Variants in RHD observed in about 807,000 individuals in gnomAD.
RHD encodes blood group Rh(D) polypeptide.
A neutral mutation model predicts 45.5 loss-of-function variants in RHD; 16 were observed. The observed-to-expected ratio is 0.35, with a 90% CI of 0.24 to 0.53. The LOEUF (loss-of-function observed/expected upper bound fraction) is 0.53. Among genes scored for constraint, RHD ranks in the 20% least tolerant of loss-of-function variants. The pLI is 0.92. For missense variants in RHD, 306 were observed against 532.0 expected (o/e 0.58, Z 4.18); for synonymous variants, 131 against 217.5 (o/e 0.60, Z 3.50).
rs1486296113 is a variant in RHD at position 25,283,559 on chromosome 1, C to A, written c.149-1014C>A. Among the ~76,000 whole-genome samples the A allele has an allele frequency of 9.1e-5, 12 of 131,432 alleles. 3 individuals carry two copies. The highest frequency in any genetic ancestry group is 3.2e-4 in the African/African-American group (12 of 38,006). The allele number at this position is 131,432 out of a possible 152,430, so 86.2% of individuals were successfully genotyped here. On this transcript the variant is annotated intron_variant, in intron 1 of 9. Transcript: ENST00000328664. The stretch of plus-strand genomic sequence containing the variant: ...TTAAAAAAAAAAATCTTAGCTCTAC[C>A]CACCGGGGCAAGTTACGTAACGCCT...
chr1:25,286,890 C>T lies in RHD; in HGVS notation c.335+2131C>T, dbSNP rs1273180537. The stretch of plus-strand genomic sequence containing the variant: ...GGTGGATTACCTGAGGTCAGGAGTC[C>T]GAGACCAACCTGAGCAACATGGTGA... On this transcript the variant is annotated intron_variant, in intron 2 of 9. Coordinates refer to ENST00000328664, the MANE Select transcript of RHD (RefSeq NM_016124.6). Among the ~76,000 whole-genome samples, 7 of 134,400 alleles carry T rather than the reference C, an allele frequency of 5.2e-5. 1 individual carries two copies. Among genetic ancestry groups the T allele is most frequent in the Admixed American group, 2.9e-4 (4 of 13,974 alleles). 88.2% of individuals were successfully genotyped at this position (134,400 alleles called of 152,430 possible).
At chr1:25,285,507 AT>A (rs1571607154) in intron 2 of RHD, among the ~76,000 whole-genome samples, 1 of 134,954 alleles carries the variant, frequency 7.4e-6, no homozygotes, top group African/African-American at 2.6e-5. Flanking sequence ...CCATGCCTTT[AT>A]TTTCATTAAA....
At chr1:25,282,415 A>T (rs1241331066) in intron 1 of RHD, among the ~76,000 whole-genome samples, 1 of 130,374 alleles carries the variant, frequency 7.7e-6, no homozygotes, top group Non-Finnish European at 1.8e-5. Context: ...TTGTAATTTT[A>T]GTAGAGACGG....
At chr1:25,284,880 T>C in intron 2 of RHD, 121 bp downstream of exon 2, 1 of 1,103,856 alleles carries the variant, frequency 9.1e-7, no homozygotes, top group Admixed American at 2.1e-5. Flanking sequence ...GTGCAATATT[T>C]AGGACATCCT....
intron 2 of RHD, 63 bp downstream of exon 2, chr1:25,284,822 T>C (rs1488899897): frequency 7.6e-7 from 1 of 1,315,060 alleles, no homozygotes; most frequent in Non-Finnish European, 1.1e-6. Flanking sequence ...AAAGGACAGG[T>C]TCCAGAAGAT....
At chr1:25,323,557 T>G (rs1217399515) in intron 9 of RHD, among the ~76,000 whole-genome samples, 1 of 126,368 alleles carries the variant, frequency 7.9e-6, no homozygotes, top group Non-Finnish European at 1.8e-5. Context: ...CTCCCCAGGC[T>G]CAGGAGATCC....
chr1:25,293,603 G>A lies in RHD; in HGVS notation c.486+2812G>A, dbSNP rs111903366. 9.9e-3 allele frequency among the ~76,000 whole-genome samples: 1,294 copies of A among 130,864 alleles called. 183 individuals are homozygous for A. Among genetic ancestry groups the A allele is most frequent in the African/African-American group, 0.032 (1,225 of 38,400 alleles). The allele number at this position is 130,864 out of a possible 152,430, so 85.9% of individuals were successfully genotyped here. ...CTGTATCTTCAGAAGCACTCCAAGC[G>A]TTTCTTCCTAGGATTTAGAAATTTA... is the stretch of plus-strand genomic sequence containing the variant. On this transcript the variant is annotated intron_variant, in intron 3 of 9. Coordinates refer to ENST00000328664, the MANE Select transcript of RHD (RefSeq NM_016124.6).
chr1:25,283,388 G>A lies in RHD; in HGVS notation c.149-1185G>A, dbSNP rs183402073. On this transcript the variant is annotated intron_variant, in intron 1 of 9. Transcript: ENST00000328664. The stretch of plus-strand genomic sequence containing the variant: ...TCTATTAAAAATACAAAAATTAGCC[G>A]GGCACGGTGGCAGGCACCTGTAATC... Among the ~76,000 whole-genome samples, 240 of 130,906 alleles carry A rather than the reference G, an allele frequency of 1.8e-3. 53 individuals are homozygous for A. The highest frequency in any genetic ancestry group is 4.3e-3 in the Admixed American group (57 of 13,400). The allele number at this position is 130,906 out of a possible 152,430, so 85.9% of individuals were successfully genotyped here. A position where few individuals can be genotyped will look rare whatever the true frequency, so the allele number is the denominator to read the frequency against.
At position 25,272,702 on chromosome 1, in the gene RHD, G is replaced by A. The variant is rs770688428; in HGVS notation, c.148+7G>A. On this transcript the variant is annotated splice_region_variant and intron_variant, in intron 1 of 9. Coordinates refer to ENST00000328664, the MANE Select transcript of RHD (RefSeq NM_016124.6). ...CTCGTGGCATCCTATCAAGGTGAGA[G>A]TTCATTGGAAAAGTGGTCACAGGAG... 5.7e-6 allele frequency: 8 copies of A among 1,397,296 alleles called. 1 individual carries two copies. Among genetic ancestry groups the A allele is most frequent in the Non-Finnish European group, 8.1e-6 (8 of 991,680 alleles). 86.6% of individuals were successfully genotyped at this position (1,397,296 alleles called of 1,614,324 possible). A position where few individuals can be genotyped will look rare whatever the true frequency, so the allele number is the denominator to read the frequency against.
At chr1:25,321,823 G>C (rs552572749) in intron 8 of RHD, 66 bp from the exon 9 acceptor site, 2 of 839,716 alleles carry the variant, frequency 2.4e-6, no homozygotes, top group African/African-American at 1.6e-5. Context: ...ACAATATTTC[G>C]ATTAATCTTG....
intron 1 of RHD, among the ~76,000 whole-genome samples, chr1:25,278,866 C>A (rs557093041): frequency 2.3e-5 from 3 of 128,448 alleles, no homozygotes; most frequent in African/African-American, 8.0e-5. Flanking sequence ...GTGAGAGTCG[C>A]CGGTAGAGTA....
rs186826335 is a variant in RHD, at chr1:25,296,570, G to A, written c.487-4376G>A. The stretch of plus-strand genomic sequence containing the variant: ...TCAGTGTATATTTCTGATGCAGTTG[G>A]GTTCTGTATCCCCCTCCAATCTCAT... On this transcript the variant is annotated intron_variant, in intron 3 of 9. Transcript: ENST00000328664. 4.6e-5 allele frequency among the ~76,000 whole-genome samples: 6 copies of A among 129,884 alleles called. 1 individual carries two copies. Among genetic ancestry groups the A allele is most frequent in the Admixed American group, 4.5e-4 (6 of 13,410 alleles). 85.2% of individuals were successfully genotyped at this position (129,884 alleles called of 152,430 possible).
At chr1:25,305,627 G>A (rs1303591651) in intron 6 of RHD, among the ~76,000 whole-genome samples, 1 of 126,692 alleles carries the variant, frequency 7.9e-6, no homozygotes, top group Non-Finnish European at 1.8e-5. Flanking sequence ...TTGAGACGGT[G>A]TCTCGCTCTT....
chr1:25,320,488 G>A lies in RHD; in HGVS notation c.1154-1401G>A, dbSNP rs1644641680. Among the ~76,000 whole-genome samples the A allele has an allele frequency of 2.3e-5, 3 of 132,266 alleles. 1 individual carries two copies. Among genetic ancestry groups the A allele is most frequent in the Admixed American group, 1.5e-4 (2 of 13,532 alleles). The allele number at this position is 132,266 out of a possible 152,430, so 86.8% of individuals were successfully genotyped here. A position where few individuals can be genotyped will look rare whatever the true frequency, so the allele number is the denominator to read the frequency against. On this transcript the variant is annotated intron_variant, in intron 8 of 9. Coordinates refer to ENST00000328664, the MANE Select transcript of RHD (RefSeq NM_016124.6). ...TTACTGAGTAATTCAAGCTAACTGC[G>A]TCATGCTGGTTGTACCCTGCATGCC...
rs1644935662 is a variant in RHD at position 25,329,248 on chromosome 1, T to G, written c.*324T>G. 1.6e-6 allele frequency: 1 copy of G among 643,308 alleles called. No homozygotes were observed. 39.8% of individuals were successfully genotyped at this position (643,308 alleles called of 1,614,324 possible). ...TATTATTATTCCTTGTTTTTTTTTTTTTTTTTTTTTTTTTGAGATGTAGTC... is the reference window on the plus strand; with the variant it reads ...TATTATTATTCCTTGTTTTTTTTTTGTTTTTTTTTTTTTTGAGATGTAGTC... On this transcript the variant is annotated 3_prime_UTR_variant, in exon 10 of 10. Coordinates refer to ENST00000328664, the MANE Select transcript of RHD (RefSeq NM_016124.6).
chr1:25,284,537 C>T lies in RHD; in HGVS notation c.149-36C>T, dbSNP rs748798967. ...ATACCACCCTAAATCTCGTCTGCTT[C>T]CCCCTCGTCCTTCTCGCCATCTCCC... is the stretch of plus-strand genomic sequence containing the variant. On this transcript the variant is annotated intron_variant, in intron 1 of 9. Transcript: ENST00000328664. 3 of 1,379,546 alleles carry T rather than the reference C, an allele frequency of 2.2e-6. No individual in the cohort carries two copies. The Admixed American group carries it at 5.3e-5, about 24-fold the overall frequency. 85.5% of individuals were successfully genotyped at this position (1,379,546 alleles called of 1,614,324 possible).
At position 25,316,633 on chromosome 1, in the gene RHD, AAAAG is replaced by A. The variant is rs1384406969; in HGVS notation, c.1074-365_1074-362del. 1.2e-4 allele frequency among the ~76,000 whole-genome samples: 14 copies of A among 120,678 alleles called. 1 individual carries two copies. Among genetic ancestry groups the A allele is most frequent in the African/African-American group, 3.8e-4 (14 of 36,434 alleles). 79.2% of individuals were successfully genotyped at this position (120,678 alleles called of 152,430 possible). ...AACAAAAACAGAAAAAAAAAAAAAA[AAAAG>A]AGAGAGAGAGAAAACTGGAGGCTCT... On this transcript the variant is annotated intron_variant, in intron 7 of 9. Coordinates refer to ENST00000328664, the MANE Select transcript of RHD (RefSeq NM_016124.6).
chr1:25,299,474 C>T (rs1331243052), intron 3 of RHD, among the ~76,000 whole-genome samples: 1 of 131,406 alleles, frequency 7.6e-6, no homozygotes, highest in African/African-American at 2.6e-5. Context: ...CAAGGCACCC[C>T]GATTGCTTGC....
rs570664230 is a variant in RHD at position 25,299,875 on chromosome 1, A to G, written c.487-1071A>G. Among the ~76,000 whole-genome samples, 5 of 131,016 alleles carry G rather than the reference A, an allele frequency of 3.8e-5. 1 individual carries two copies. Among genetic ancestry groups the G allele is most frequent in the Non-Finnish European group, 9.0e-5 (5 of 55,634 alleles). 86.0% of individuals were successfully genotyped at this position (131,016 alleles called of 152,430 possible). A position where few individuals can be genotyped will look rare whatever the true frequency, so the allele number is the denominator to read the frequency against. On this transcript the variant is annotated intron_variant, in intron 3 of 9. Coordinates refer to ENST00000328664, the MANE Select transcript of RHD (RefSeq NM_016124.6). ...AGTGAATCTCCTGCATCAGCCTCCC[A>G]GGTAGATAGGATTACAAGCAAGCAT...
Sources: allele counts gnomAD v4.1 joint callset (sites outside exome capture counted in the v4.1 genomes callset), GRCh38; gene constraint gnomAD v4.1.1; transcripts MANE v1.5; gene names NCBI Gene and HGNC (gene_info 2026-07-23, HGNC 2026-07-21).